SKAP2: variants seen among roughly 807,000 people sequenced by gnomAD.
SKAP2 encodes the protein src kinase associated phosphoprotein 2, also known as src kinase-associated phosphoprotein 2.
Under a neutral mutation model 54.9 loss-of-function variants are expected in SKAP2, and 28 were observed. The observed-to-expected ratio is 0.51, with a 90% CI of 0.38 to 0.70. SKAP2 has a LOEUF of 0.70. Among genes scored for constraint, SKAP2 ranks in the 30% least tolerant of loss-of-function variants. SKAP2 has a pLI of 0.00. For synonymous variants in SKAP2, 137 were observed against 134.3 expected, an observed-to-expected ratio of 1.02 and a Z score of -0.14; for missense variants, 356 against 424.1, an observed-to-expected ratio of 0.84 and a Z score of 1.41.
At chr7:26,665,862 T>C (rs186978510), downstream of SKAP2, among the ~76,000 whole-genome samples, 1 of 152,298 alleles carries the variant, frequency 6.6e-6, no homozygotes, top group East Asian at 1.9e-4. Flanking sequence ...TTTGAGTATA[T>C]ATTAAACTTG....
chr7:26,698,820 T>C (rs1377240935), intron 9 of SKAP2, among the ~76,000 whole-genome samples: 2 of 152,224 alleles, frequency 1.3e-5, no homozygotes, highest in African/African-American at 4.8e-5. Context: ...ACGGTATTTA[T>C]TGCCAATGAT....
intron 9 of SKAP2, among the ~76,000 whole-genome samples, chr7:26,695,957 GATAC>G (rs2127943905): frequency 6.6e-6 from 1 of 152,218 alleles, no homozygotes; most frequent in African/African-American, 2.4e-5. Context: ...GTACTGGGAG[GATAC>G]ATACAAATGG....
chr7:26,732,734 A>T (rs899860920), intron 6 of SKAP2, among the ~76,000 whole-genome samples: 4 of 152,208 alleles, frequency 2.6e-5, no homozygotes, highest in Non-Finnish European at 5.9e-5. Context: ...ATATATGAAC[A>T]TTCTCCTTTG....
chr7:26,707,373 G>A (rs1325544338), intron 9 of SKAP2, among the ~76,000 whole-genome samples: 1 of 151,268 alleles, frequency 6.6e-6, no homozygotes. Flanking sequence ...AAAAAAAAAA[G>A]AAGTAATTAA....
chr7:26,839,006 G>C (rs1234443920), intron 4 of SKAP2, among the ~76,000 whole-genome samples: 1 of 151,990 alleles, frequency 6.6e-6, no homozygotes, highest in African/African-American at 2.4e-5. Flanking sequence ...CTAATTTGCT[G>C]AATTAAAGAT....
intron 9 of SKAP2, among the ~76,000 whole-genome samples, chr7:26,706,474 T>A (rs1311945786): frequency 1.3e-5 from 2 of 152,196 alleles, no homozygotes; most frequent in Non-Finnish European, 2.9e-5. Context: ...CTGCAGCAGA[T>A]TCAAGTATAA....
At chr7:26,670,740 A>G (rs1786210037) in intron 11 of SKAP2, among the ~76,000 whole-genome samples, 1 of 152,138 alleles carries the variant, frequency 6.6e-6, no homozygotes, top group African/African-American at 2.4e-5. Context: ...GAGAATACGG[A>G]AACACTAATA....
chr7:26,689,482 A>T (rs1421307103), intron 10 of SKAP2, among the ~76,000 whole-genome samples: 4 of 152,122 alleles, frequency 2.6e-5, no homozygotes, highest in Admixed American at 6.6e-5. Context: ...TTTTGTACAG[A>T]GTGTGTGCAA....
At chr7:26,705,987 TTAAC>T (rs1787147332) in intron 9 of SKAP2, among the ~76,000 whole-genome samples, 1 of 152,156 alleles carries the variant, frequency 6.6e-6, no homozygotes, top group African/African-American at 2.4e-5. Flanking sequence ...TATTTTAAAA[TTAAC>T]AAATAAGACA....
In SKAP2 at chr7:26,844,143, A is replaced by T; in HGVS notation, c.200-6T>A. The T allele has an allele frequency of 7.1e-6, 4 of 564,944 alleles. No homozygotes were observed. The highest frequency in any genetic ancestry group is 5.9e-5 in the African/African-American group (2 of 34,106). 35.0% of individuals were successfully genotyped at this position (564,944 alleles called of 1,614,324 possible). On this transcript the variant is annotated splice_polypyrimidine_tract_variant and splice_region_variant and intron_variant, in intron 3 of 12. Transcript: ENST00000345317. ...TTCCCCATCTTCTGCATCACCTGTT[A>T]AAAAAAAAAAAAATCAGAGAACTGC...
intron 4 of SKAP2, among the ~76,000 whole-genome samples, chr7:26,749,700 C>T (rs933404157): frequency 6.6e-6 from 1 of 151,394 alleles, no homozygotes; most frequent in East Asian, 1.9e-4. Context: ...AGTGCCACTG[C>T]ACTCCAGCCT....
Sources: gnomAD v4.1 joint callset for allele counts (sites outside exome capture counted in the v4.1 genomes callset) on GRCh38, gnomAD v4.1.1 for gene constraint, MANE v1.5 for transcripts, NCBI Gene and HGNC (gene_info 2026-07-23, HGNC 2026-07-21) for gene names.